The following MEST variants were observed in gnomAD, a reference collection of about 807,000 sequenced individuals.
MEST encodes mesoderm-specific transcript homolog protein.
In MEST, 18 loss-of-function variants were observed where a neutral mutation model predicts 50.9. The observed-to-expected ratio is 0.35, with a 90% CI of 0.24 to 0.52. The LOEUF (loss-of-function observed/expected upper bound fraction) is 0.52, where lower values mean the gene tolerates loss of function less well. MEST is among the 20% of genes least tolerant of loss of function. MEST has a pLI of 0.94. For missense variants in MEST, 282 were observed against 425.3 expected, an observed-to-expected ratio of 0.66 and a Z score of 2.96; for synonymous variants, 130 against 154.1, an observed-to-expected ratio of 0.84 and a Z score of 1.16.
intron 2 of MEST, chr7:130,495,774 A>G (rs950679431): frequency 5.0e-5 from 12 of 241,906 alleles, no homozygotes; most frequent in Non-Finnish European, 9.0e-5. Flanking sequence ...GTATTCCAAT[A>G]TTAGTTTTTT....
chr7:130,497,831 G>C lies in MEST; in HGVS notation c.262-105G>C. The C allele has an allele frequency of 1.0e-6, 1 of 959,980 alleles. No individual in the cohort carries two copies. Among genetic ancestry groups the C allele is most frequent in the Non-Finnish European group, 1.7e-6 (1 of 590,594 alleles). 59.5% of individuals were successfully genotyped at this position (959,980 alleles called of 1,614,324 possible). A position where few individuals can be genotyped will look rare whatever the true frequency, so the allele number is the denominator to read the frequency against. ...AGTTTCATGGCGTTTTCTCTTTATG[G>C]AAGTCTGTTAAGCCAAGATAGGGCT... On this transcript the variant is annotated intron_variant, in intron 3 of 11. Coordinates refer to ENST00000223215, the MANE Select transcript of MEST (RefSeq NM_002402.4). The surrounding 1 kb of genome is among the most constrained non-coding windows in gnomAD (Gnocchi z 4.0).
At chr7:130,487,594 G>A (rs919003599), upstream of MEST, 55 of 152,244 alleles carry the variant, frequency 3.6e-4, no homozygotes, top group African/African-American at 1.2e-3. Context: ...CTCAAAAATG[G>A]GCCTGAAGAG....
chr7:130,488,277 C>G (rs116678595), upstream of MEST: 2 of 152,326 alleles, frequency 1.3e-5, no homozygotes, highest in African/African-American at 2.4e-5. Flanking sequence ...GCTGAGCCAC[C>G]CAATCCCTCT....
intron 5 of MEST, 22 bp downstream of exon 5, chr7:130,498,297 A>G: frequency 1.2e-6 from 2 of 1,613,144 alleles, no homozygotes; most frequent in Non-Finnish European, 1.7e-6. Context: ...TTCAGACTTC[A>G]GCTTATGATG....
Position 130,492,259 on chromosome 7 carries a change from C to G in MEST, c.-55C>G. 8 of 1,325,122 alleles carry G rather than the reference C, an allele frequency of 6.0e-6. No individual in the cohort carries two copies. The highest frequency in any genetic ancestry group is 7.7e-6 in the Non-Finnish European group (8 of 1,039,166). 82.1% of individuals were successfully genotyped at this position (1,325,122 alleles called of 1,614,324 possible). On this transcript the variant is annotated 5_prime_UTR_variant, in exon 1 of 12. Transcript: ENST00000223215. The surrounding 1 kb of genome is among the most constrained non-coding windows in gnomAD (Gnocchi z 7.6). ...GGCCAGCTCTGCACGGCTGCGGGCT[C>G]TGCGGCGCCCGGTGCTCTGCAACGC...
chr7:130,500,447 C>T lies in MEST; in HGVS notation c.577-15C>T, dbSNP rs1445846591. 9.3e-6 allele frequency: 15 copies of T among 1,612,168 alleles called. No individual in the cohort carries two copies. The highest frequency in any genetic ancestry group is 1.3e-5 in the Non-Finnish European group (15 of 1,178,770). On this transcript the variant is annotated splice_polypyrimidine_tract_variant and intron_variant, in intron 7 of 11. Transcript: ENST00000223215. The surrounding 1 kb of genome is among the most constrained non-coding windows in gnomAD (Gnocchi z 5.0). ...TCTGGGTTCTTGAGCTTTACCTCCA[C>T]TTATTCCCCTCCAGCTACTCAAAGA...
At chr7:130,489,142 C>T (rs1260899495), upstream of MEST, 1 of 152,214 alleles carries the variant, frequency 6.6e-6, no homozygotes. Flanking sequence ...GGTACCATCT[C>T]TGCTGATCCC....
Position 130,499,881 on chromosome 7 carries a change from T to C in MEST, c.542T>C (p.Phe181Ser). The C allele has an allele frequency of 6.2e-7, 1 of 1,610,828 alleles. No homozygotes were observed. The highest frequency in any genetic ancestry group is 1.1e-5 in the South Asian group (1 of 90,228). ...KSLCLSNGGI[F>S]PETHRPLLLQ... ...AGATAAGTCTCTTCTACAGGTATCT[T>C]TCCTGAGACTCACCGTCCACTCCTT... Residue 181 changes from phenylalanine (F) to serine (S), a missense_variant, in exon 7 of 12, where the codon TTT becomes TCT. By Grantham distance (155) the Phe-to-Ser change is radical. Coordinates refer to ENST00000223215, the MANE Select transcript of MEST (RefSeq NM_002402.4).
chr7:130,490,209 A>G (rs1798745436), upstream of MEST, among the ~76,000 whole-genome samples: 1 of 152,222 alleles, frequency 6.6e-6, no homozygotes. Context: ...TTAAGTAACC[A>G]ATTAAGGCCA....
At chr7:130,498,087 G>C (rs146122107) in intron 4 of MEST, 52 bp from the exon 5 acceptor site, 4 of 1,614,048 alleles carry the variant, frequency 2.5e-6, no homozygotes, top group Non-Finnish European at 2.5e-6. Context: ...GGCTGGCAGA[G>C]AGAGCTGTCC....
intron 2 of MEST, 24 bp downstream of exon 2, chr7:130,495,546 C>T (rs1554436606): frequency 5.6e-6 from 9 of 1,609,438 alleles, no homozygotes; most frequent in African/African-American, 2.7e-5. Flanking sequence ...TATTGGAAGT[C>T]CTGCGTGTAT....
rs1799227708 is a variant in MEST at position 130,500,321 on chromosome 7, A to G, written c.577-141A>G. ...TCTTCCTTGAGAGAAGAATGCGGGT[A>G]GGCAAAACAAAATGCCAAGTACCAA... On this transcript the variant is annotated intron_variant, in intron 7 of 11. Transcript: ENST00000223215. The surrounding 1 kb of genome is among the most constrained non-coding windows in gnomAD (Gnocchi z 5.0). 5 of 652,242 alleles carry G rather than the reference A, an allele frequency of 7.7e-6. No individual in the cohort carries two copies. Among genetic ancestry groups the G allele is most frequent in the Non-Finnish European group, 1.3e-5 (5 of 379,694 alleles). The allele number at this position is 652,242 out of a possible 1,614,324, so 40.4% of individuals were successfully genotyped here.
At chr7:130,491,047 C>A (rs139527997), upstream of MEST, 1 of 152,246 alleles carries the variant, frequency 6.6e-6, no homozygotes, top group Non-Finnish European at 1.5e-5. This position sits in a 1 kb window ranked among gnomAD's most constrained non-coding sequence, Gnocchi z 6.8. Flanking sequence ...GGGCACCGGC[C>A]GGCCGCCCCG....
rs1799476354 is a variant in MEST at position 130,506,268 on chromosome 7, T to C, written c.*1212T>C. On this transcript the variant is annotated 3_prime_UTR_variant, in exon 12 of 12. Coordinates refer to ENST00000223215, the MANE Select transcript of MEST (RefSeq NM_002402.4). ...AACTGGAATAAGTGTTTATTTTCTATTAATAAAAATGAATTGTGACAAAAG... is the reference window on the plus strand; with the variant it reads ...AACTGGAATAAGTGTTTATTTTCTACTAATAAAAATGAATTGTGACAAAAG... The C allele has an allele frequency of 6.6e-6, 1 of 152,126 alleles. No homozygotes were observed. 9.4% of individuals were successfully genotyped at this position (152,126 alleles called of 1,614,324 possible).
In MEST at chr7:130,498,538, A is replaced by G. The variant is rs966844440; in HGVS notation, c.535+61A>G. The G allele has an allele frequency of 7.1e-6, 10 of 1,403,456 alleles. No homozygotes were observed. In the African/African-American group the frequency reaches 1.1e-4, roughly 16 times the overall value. 86.9% of individuals were successfully genotyped at this position (1,403,456 alleles called of 1,614,324 possible). A position where few individuals can be genotyped will look rare whatever the true frequency, so the allele number is the denominator to read the frequency against. ...ATCTAGAAGGGCCATCTTTAGATAC[A>G]GCGGCACCTAAATGGTAATCTGATA... On this transcript the variant is annotated intron_variant, in intron 6 of 11. Coordinates refer to ENST00000223215, the MANE Select transcript of MEST (RefSeq NM_002402.4).
intron 6 of MEST, among the ~76,000 whole-genome samples, 200 bp from the exon 7 acceptor site, chr7:130,499,675 T>C (rs564105145): frequency 6.6e-6 from 1 of 152,308 alleles, no homozygotes; most frequent in South Asian, 2.1e-4. Flanking sequence ...GGGTAGTTTC[T>C]GATAATGGGC....
At chr7:130,495,223 T>G in intron 1 of MEST, 145 bp from the exon 2 acceptor site, 1 of 709,684 alleles carries the variant, frequency 1.4e-6, no homozygotes, top group East Asian at 2.8e-5. Flanking sequence ...GATTATAGTC[T>G]CGGTCAGCTT....
intron 1 of MEST, chr7:130,494,410 C>A (rs1798959261): frequency 6.6e-6 from 1 of 152,160 alleles, no homozygotes; most frequent in African/African-American, 2.4e-5. Flanking sequence ...AGACTTGAAA[C>A]AGAACGGTTT....
chr7:130,494,233 G>A (rs1798950495), intron 1 of MEST, among the ~76,000 whole-genome samples: 1 of 152,194 alleles, frequency 6.6e-6, no homozygotes, highest in African/African-American at 2.4e-5. Flanking sequence ...AGGGAAGAAT[G>A]TGTGTACAGA....
Sources: gnomAD v4.1 joint callset for allele counts (sites outside exome capture counted in the v4.1 genomes callset) on GRCh38, gnomAD v4.1.1 for gene constraint, Gnocchi (gnomAD v3.1) non-coding constraint, MANE v1.5 for transcripts, NCBI Gene and HGNC (gene_info 2026-07-23, HGNC 2026-07-21) for gene names.